Variants in NUDT5 observed in about 807,000 individuals in gnomAD.
NUDT5 encodes the protein nudix hydrolase 5.
A neutral mutation model predicts 34.1 loss-of-function variants in NUDT5; 21 were observed. The observed-to-expected ratio is 0.62, with a 90% CI of 0.44 to 0.89. The LOEUF (loss-of-function observed/expected upper bound fraction) is 0.89. Among genes scored for constraint, NUDT5 ranks in the 40% least tolerant of loss-of-function variants. NUDT5 has a pLI of 0.00. For missense variants in NUDT5, 249 were observed against 274.8 expected, an observed-to-expected ratio of 0.91 and a Z score of 0.66; for synonymous variants, 85 against 97.6, an observed-to-expected ratio of 0.87 and a Z score of 0.76.
chr10:12,172,714 A>G lies in NUDT5; in HGVS notation c.487+51T>C, dbSNP rs750683716. The G allele has an allele frequency of 1.4e-5, 18 of 1,270,880 alleles. No homozygotes were observed. The African/African-American group carries it at 2.6e-4, about 19-fold the overall frequency. 78.7% of individuals were successfully genotyped at this position (1,270,880 alleles called of 1,614,324 possible). ...ATAAATCAAACTAGCAGCAAGTTCC[A>G]AGACACGTAATGCAACCACACCACC... On this transcript the variant is annotated intron_variant, in intron 7 of 9. Coordinates refer to ENST00000491614, the MANE Select transcript of NUDT5 (RefSeq NM_014142.4).
At position 12,169,456 on chromosome 10, in the gene NUDT5, A is replaced by G; in HGVS notation, c.550+1261T>C. 1 of 646,236 alleles carries G rather than the reference A, an allele frequency of 1.5e-6. No homozygotes were observed. 40.0% of individuals were successfully genotyped at this position (646,236 alleles called of 1,614,324 possible). On this transcript the variant is annotated intron_variant, in intron 9 of 9. Transcript: ENST00000491614. This position sits in a 1 kb window ranked among gnomAD's most constrained non-coding sequence, Gnocchi z 4.8. ...CGAGAGAGGCTACAGAACCTGTTTG[A>G]TGTGATAGCTAATTATGGTCCGCGG... is the stretch of plus-strand genomic sequence containing the variant.
Position 12,170,899 on chromosome 10 carries a change from C to A in NUDT5, c.496+1G>T. On this transcript the variant is annotated splice_donor_variant, in intron 8 of 9. Transcript: ENST00000491614. LOFTEE classifies it high-confidence loss of function. The surrounding 1 kb of genome is among the most constrained non-coding windows in gnomAD (Gnocchi z 4.9). ...CGGCCACCAGGAGTTGCAGAACATA[C>A]CTCCATCCCCTGGAAATAAACAGAA... 1 of 1,613,734 alleles carries A rather than the reference C, an allele frequency of 6.2e-7. No individual in the cohort carries two copies. Among genetic ancestry groups the A allele is most frequent in the Non-Finnish European group, 8.5e-7 (1 of 1,179,830 alleles).
rs1011043807 is a variant in NUDT5 at position 12,170,916 on chromosome 10, T to C, written c.488-8A>G. 7 of 1,613,154 alleles carry C rather than the reference T, an allele frequency of 4.3e-6. No individual in the cohort carries two copies. In the African/African-American group the frequency reaches 9.4e-5, roughly 22 times the overall value. On this transcript the variant is annotated splice_region_variant and splice_polypyrimidine_tract_variant and intron_variant, in intron 7 of 9. Transcript: ENST00000491614. The surrounding 1 kb of genome is among the most constrained non-coding windows in gnomAD (Gnocchi z 4.9). Reference sequence around the variant, plus strand: ...AGAACATACCTCCATCCCCTGGAAATAAACAGAAGGAAAACATTTCAGCAA... The same window carrying C: ...AGAACATACCTCCATCCCCTGGAAACAAACAGAAGGAAAACATTTCAGCAA...
chr10:12,184,037 CTT>C (rs1835084513), intron 3 of NUDT5, among the ~76,000 whole-genome samples: 1 of 151,980 alleles, frequency 6.6e-6, no homozygotes, highest in African/African-American at 2.4e-5. Flanking sequence ...TTACTTAATA[CTT>C]TCTTTTTGTT....
At chr10:12,184,284 C>T (rs1472453779) in intron 3 of NUDT5, among the ~76,000 whole-genome samples, 3 of 152,036 alleles carry the variant, frequency 2.0e-5, no homozygotes, top group Non-Finnish European at 1.5e-5. Context: ...TGACCTCAAC[C>T]GATGCCCCCC....
chr10:12,188,614 C>T (rs1835166824), intron 1 of NUDT5, among the ~76,000 whole-genome samples: 1 of 151,426 alleles, frequency 6.6e-6, no homozygotes. Flanking sequence ...GCCTGTAGCC[C>T]CAACTACAGG....
At position 12,182,881 on chromosome 10, in the gene NUDT5, C is replaced by T. The variant is rs1588660121; in HGVS notation, c.131+2008G>A. On this transcript the variant is annotated intron_variant, in intron 3 of 9. Coordinates refer to ENST00000491614, the MANE Select transcript of NUDT5 (RefSeq NM_014142.4). The surrounding 1 kb of genome is among the most constrained non-coding windows in gnomAD (Gnocchi z 4.3). ...CCTCCGGGGTAGCTGGGATTACAGG[C>T]GCATGCCACCACGCTGGGCTAATTT... is the stretch of plus-strand genomic sequence containing the variant. 6.6e-6 allele frequency among the ~76,000 whole-genome samples: 1 copy of T among 152,120 alleles called. No homozygotes were observed.
intron 3 of NUDT5, chr10:12,184,414 G>A: frequency 8.0e-7 from 1 of 1,245,782 alleles, no homozygotes; most frequent in South Asian, 1.4e-5. Flanking sequence ...AGTATCTTTA[G>A]GGCTACTGAC....
In NUDT5 at chr10:12,184,915, C is replaced by A; in HGVS notation, c.105G>T (p.Thr35=). 1 of 1,581,998 alleles carries A rather than the reference C, an allele frequency of 6.3e-7. No individual in the cohort carries two copies. Among genetic ancestry groups the A allele is most frequent in the Non-Finnish European group, 8.6e-7 (1 of 1,156,350 alleles). ...TAGTTTTACCAGTAGGATCCATGTA[C>A]GTTGTTTTTTCAAGCTTGACCCATT... ...EGKWVKLEKT[T]YMDPTGKTRT... is the part of the protein sequence containing the mutation. Residue 35 remains threonine, a synonymous_variant, in exon 3 of 10, where the codon ACG becomes ACT. Coordinates refer to ENST00000491614, the MANE Select transcript of NUDT5 (RefSeq NM_014142.4).
At chr10:12,189,059 A>G (rs1835177871) in intron 1 of NUDT5, among the ~76,000 whole-genome samples, 1 of 152,238 alleles carries the variant, frequency 6.6e-6, no homozygotes, top group African/African-American at 2.4e-5. Context: ...CCCTACTAAG[A>G]AAACAGGCAC....
intron 3 of NUDT5, 99 bp from the exon 4 acceptor site, chr10:12,179,231 CA>C (rs1835006839): frequency 2.3e-6 from 2 of 857,084 alleles, no homozygotes; most frequent in East Asian, 2.5e-5. Context: ...GCAATGCATG[CA>C]AATGTACTCA....
chr10:12,192,376 A>T (rs1219957639), intron 1 of NUDT5, among the ~76,000 whole-genome samples: 3 of 152,034 alleles, frequency 2.0e-5, no homozygotes, highest in African/African-American at 7.2e-5. Flanking sequence ...GTAATAACTT[A>T]CTTTATGATT....
At position 12,170,872 on chromosome 10, in the gene NUDT5, C is replaced by A. The variant is rs1408046714; in HGVS notation, c.496+28G>T. On this transcript the variant is annotated intron_variant, in intron 8 of 9. Transcript: ENST00000491614. The surrounding 1 kb of genome is among the most constrained non-coding windows in gnomAD (Gnocchi z 4.9). ...TCACCACTACACTAAGTCATACACG[C>A]TCGGCCACCAGGAGTTGCAGAACAT... The A allele has an allele frequency of 1.2e-6, 2 of 1,613,902 alleles. No individual in the cohort carries two copies. The highest frequency in any genetic ancestry group is 1.7e-6 in the Non-Finnish European group (2 of 1,179,920).
chr10:12,191,802 G>T (rs1447512116), intron 1 of NUDT5, among the ~76,000 whole-genome samples: 1 of 152,206 alleles, frequency 6.6e-6, no homozygotes, highest in Non-Finnish European at 1.5e-5. Flanking sequence ...GGGAGGAAGT[G>T]ATTAATTTTT....
chr10:12,184,640 C>T, intron 3 of NUDT5: 1 of 930,478 alleles, frequency 1.1e-6, no homozygotes, highest in Non-Finnish European at 1.6e-6. Context: ...AGTTTTAGGT[C>T]TACACTTGTC....
At chr10:12,186,871 C>T (rs1165542460) in intron 1 of NUDT5, among the ~76,000 whole-genome samples, 1 of 152,128 alleles carries the variant, frequency 6.6e-6, no homozygotes, top group Non-Finnish European at 1.5e-5. Context: ...AAGTGATCTG[C>T]CCTCCTTGGC....
At chr10:12,188,573 A>T (rs1456838086) in intron 1 of NUDT5, among the ~76,000 whole-genome samples, 10 of 152,142 alleles carry the variant, frequency 6.6e-5, no homozygotes, top group Non-Finnish European at 1.5e-4. Context: ...TCTACTAAAA[A>T]TACAAAAATT....
rs757533384 is a variant in NUDT5 at position 12,167,267 on chromosome 10, T to G, written c.*435A>C. On this transcript the variant is annotated 3_prime_UTR_variant, in exon 10 of 10. Transcript: ENST00000491614. The stretch of plus-strand genomic sequence containing the variant: ...GAGGCCAAAAAGCCTTTTTTTTCTT[T>G]TTAACGCTGTTTTAAACACTAACGG... 2.0e-4 allele frequency: 32 copies of G among 160,002 alleles called. No homozygotes were observed. The highest frequency in any genetic ancestry group is 3.4e-4 in the Non-Finnish European group (25 of 72,518). The allele number at this position is 160,002 out of a possible 1,614,324, so 9.9% of individuals were successfully genotyped here. A position where few individuals can be genotyped will look rare whatever the true frequency, so the allele number is the denominator to read the frequency against.
At chr10:12,192,927 A>T (rs527606217) in intron 1 of NUDT5, among the ~76,000 whole-genome samples, 6 of 144,396 alleles carry the variant, frequency 4.2e-5, no homozygotes, top group African/African-American at 1.6e-4. Flanking sequence ...GGTACCCACA[A>T]TTGAATTCAC....
Sources: allele counts gnomAD v4.1 joint callset (sites outside exome capture counted in the v4.1 genomes callset), GRCh38; gene constraint gnomAD v4.1.1; non-coding constraint Gnocchi (gnomAD v3.1); transcripts MANE v1.5; gene names NCBI Gene and HGNC (gene_info 2026-07-23, HGNC 2026-07-21).